SPOCK1: variants seen among roughly 807,000 people sequenced by gnomAD.
The protein encoded by SPOCK1 is SPARC (osteonectin), cwcv and kazal like domains proteoglycan 1, also known as testican-1.
A neutral mutation model predicts 55.3 loss-of-function variants in SPOCK1; 23 were observed. That is an observed-to-expected ratio of 0.42 (90% confidence interval 0.30 to 0.59). The LOEUF (loss-of-function observed/expected upper bound fraction) is 0.59. SPOCK1 is among the 20% of genes least tolerant of loss of function. The probability of loss-of-function intolerance (pLI) is 0.22; values close to 1 mark genes in which losing one functional copy is unlikely to be tolerated. For missense variants in SPOCK1, 499 were observed against 552.5 expected (o/e 0.90, Z 0.97); for synonymous variants, 226 against 221.0 (o/e 1.02, Z -0.20).
intron 6 of SPOCK1, among the ~76,000 whole-genome samples, chr5:137,065,364 A>C (rs1019470206): frequency 2.6e-5 from 4 of 152,128 alleles, no homozygotes; most frequent in Non-Finnish European, 5.9e-5. Context: ...GCTTCCCCTC[A>C]TGCTTACGTG....
At position 136,988,649 on chromosome 5, in the gene SPOCK1, A is replaced by C; in HGVS notation, c.707-6T>G. On this transcript the variant is annotated splice_region_variant and splice_polypyrimidine_tract_variant and intron_variant, in intron 7 of 10. Transcript: ENST00000394945. ...CAGGATGCTAGTGTCAAACCCTGCC[A>C]AACAAAAGGCATATCTCAGCTGCCA... 1.9e-6 allele frequency: 3 copies of C among 1,609,140 alleles called. No homozygotes were observed. Among genetic ancestry groups the C allele is most frequent in the Non-Finnish European group, 2.5e-6 (3 of 1,176,518 alleles).
At chr5:137,170,699 A>G (rs538127063) in intron 3 of SPOCK1, among the ~76,000 whole-genome samples, 1 of 152,216 alleles carries the variant, frequency 6.6e-6, no homozygotes, top group East Asian at 1.9e-4. Context: ...GGCGCTCACC[A>G]GGAGCTAATT....
At chr5:137,402,765 G>GA (rs555611745) in intron 2 of SPOCK1, among the ~76,000 whole-genome samples, 90 of 152,262 alleles carry the variant, frequency 5.9e-4, no homozygotes, top group African/African-American at 2.0e-3. Flanking sequence ...CTGAAAATAA[G>GA]AAAAAATATG....
intron 2 of SPOCK1, among the ~76,000 whole-genome samples, chr5:137,383,644 C>A (rs1291406155): frequency 1.3e-5 from 2 of 152,320 alleles, no homozygotes; most frequent in South Asian, 4.1e-4. Flanking sequence ...GTGGCACAGG[C>A]TTTGGCCAAA....
intron 2 of SPOCK1, among the ~76,000 whole-genome samples, chr5:137,442,775 G>A (rs1372001723): frequency 6.6e-6 from 1 of 152,248 alleles, no homozygotes; most frequent in Non-Finnish European, 1.5e-5. Flanking sequence ...TCTGTGCCTT[G>A]TGCCCAACAG....
intron 3 of SPOCK1, among the ~76,000 whole-genome samples, chr5:137,217,402 G>T (rs1025673245): frequency 6.6e-6 from 1 of 152,190 alleles, no homozygotes; most frequent in Non-Finnish European, 1.5e-5. Context: ...GCCCCACTTT[G>T]CCTTGCCTCC....
rs549901016 is a variant in SPOCK1 at position 137,265,334 on chromosome 5, C to G, written c.232+1676G>C. ...GAGTAATTTTTGACAGTTATTTAGG[C>G]AACATTTGATCCTTATAGCACAAGA... On this transcript the variant is annotated intron_variant, in intron 3 of 10. Coordinates refer to ENST00000394945, the MANE Select transcript of SPOCK1 (RefSeq NM_004598.4). Among the ~76,000 whole-genome samples the G allele has an allele frequency of 2.0e-5, 3 of 152,302 alleles. No homozygotes were observed. The South Asian group carries it at 6.2e-4, about 32-fold the overall frequency.
intron 4 of SPOCK1, among the ~76,000 whole-genome samples, chr5:137,125,626 C>T (rs911114947): frequency 1.3e-5 from 2 of 152,060 alleles, no homozygotes; most frequent in Admixed American, 1.3e-4. Flanking sequence ...ACAGAGTCTG[C>T]CAGTGCCTTG....
At chr5:137,313,431 C>CT (rs1335717753) in intron 2 of SPOCK1, 1 of 985,306 alleles carries the variant, frequency 1.0e-6, no homozygotes, top group Non-Finnish European at 1.2e-6. Context: ...GTCTTACCTG[C>CT]TGCAAGGGGT....
intron 5 of SPOCK1, 116 bp from the exon 6 acceptor site, chr5:137,067,945 G>T: frequency 1.3e-6 from 1 of 771,712 alleles, no homozygotes; most frequent in South Asian, 1.6e-5. Flanking sequence ...AGCAGGGAGA[G>T]GTCGACCTCA....
At chr5:137,234,331 TG>T (rs1263191247) in intron 3 of SPOCK1, among the ~76,000 whole-genome samples, 1 of 152,104 alleles carries the variant, frequency 6.6e-6, no homozygotes, top group Non-Finnish European at 1.5e-5. Flanking sequence ...TGCTGGGTGG[TG>T]GGTCAGGAAA....
rs1033173359 is a variant in SPOCK1 at position 137,210,195 on chromosome 5, T to A, written c.232+56815A>T. 2.0e-5 allele frequency among the ~76,000 whole-genome samples: 3 copies of A among 152,208 alleles called. No homozygotes were observed. In the East Asian group the frequency reaches 5.8e-4, roughly 29 times the overall value. ...CTAAATGAGTTTCAATTTCATTCCA[T>A]GCTCTGTCAGCTTCCCTTCTTCTTG... On this transcript the variant is annotated intron_variant, in intron 3 of 10. Transcript: ENST00000394945.
intron 4 of SPOCK1, among the ~76,000 whole-genome samples, chr5:137,125,935 C>G (rs1753775223): frequency 6.6e-6 from 1 of 152,122 alleles, no homozygotes; most frequent in African/African-American, 2.4e-5. Flanking sequence ...ATAGAGAAAG[C>G]TTTGATCGCC....
At chr5:137,160,614 A>ATTTT (rs1491567506) in intron 3 of SPOCK1, among the ~76,000 whole-genome samples, 9,455 of 67,940 alleles carry the variant, frequency 0.14, 951 homozygotes, top group East Asian at 0.28. Context: ...TATAATATAT[A>ATTTT]ATATATATTT....
chr5:137,369,004 G>C (rs543771237), intron 2 of SPOCK1, among the ~76,000 whole-genome samples: 1 of 152,358 alleles, frequency 6.6e-6, no homozygotes, highest in Admixed American at 6.5e-5. Context: ...CATACTTGCA[G>C]GCTTTAACTC....
At chr5:137,159,737 T>C (rs1754488454) in intron 3 of SPOCK1, among the ~76,000 whole-genome samples, 1 of 152,148 alleles carries the variant, frequency 6.6e-6, no homozygotes, top group African/African-American at 2.4e-5. Context: ...TACCTACTCA[T>C]TGGTCAATGG....
chr5:137,277,972 A>C (rs1406626423), intron 2 of SPOCK1, among the ~76,000 whole-genome samples: 1 of 152,180 alleles, frequency 6.6e-6, no homozygotes, highest in Non-Finnish European at 1.5e-5. Flanking sequence ...GTGCAAAGTG[A>C]AACATCCAAC....
chr5:137,486,147 CTT>C (rs1397534519), intron 2 of SPOCK1, among the ~76,000 whole-genome samples: 1 of 152,230 alleles, frequency 6.6e-6, no homozygotes, highest in Non-Finnish European at 1.5e-5. Flanking sequence ...CAAGTTCTGT[CTT>C]GTCTGAACTC....
intron 2 of SPOCK1, among the ~76,000 whole-genome samples, chr5:137,462,384 C>G (rs1753507566): frequency 6.6e-6 from 1 of 152,172 alleles, no homozygotes; most frequent in Non-Finnish European, 1.5e-5. Context: ...CAGCTGGATA[C>G]AGACAAGGCC....
Sources: allele counts gnomAD v4.1 joint callset (sites outside exome capture counted in the v4.1 genomes callset), GRCh38; gene constraint gnomAD v4.1.1; transcripts MANE v1.5; gene names NCBI Gene and HGNC (gene_info 2026-07-23, HGNC 2026-07-21).